KCNAB1: variants seen among roughly 807,000 people sequenced by gnomAD.
KCNAB1 encodes the protein potassium voltage-gated channel subfamily A regulatory beta subunit 1.
In KCNAB1, 35 loss-of-function variants were observed where a neutral mutation model predicts 64.6. The observed-to-expected ratio is 0.54, with a 90% CI of 0.41 to 0.72. The LOEUF (loss-of-function observed/expected upper bound fraction) is 0.72. Among genes scored for constraint, KCNAB1 ranks in the 30% least tolerant of loss-of-function variants. KCNAB1 has a pLI of 0.00. For missense variants in KCNAB1, 401 were observed against 512.9 expected, an observed-to-expected ratio of 0.78 and a Z score of 2.11; for synonymous variants, 177 against 183.8, an observed-to-expected ratio of 0.96 and a Z score of 0.30.
chr3:156,244,290 C>T (rs1717333271), intron 1 of KCNAB1, among the ~76,000 whole-genome samples: 1 of 152,184 alleles, frequency 6.6e-6, no homozygotes, highest in African/African-American at 2.4e-5. Context: ...GTGCATCACT[C>T]CAACCTCCAG....
chr3:156,520,125 A>G (rs1302709640), intron 11 of KCNAB1, among the ~76,000 whole-genome samples: 1 of 152,246 alleles, frequency 6.6e-6, no homozygotes, highest in African/African-American at 2.4e-5. Context: ...GAGCCTGATG[A>G]GTACGTAAGA....
upstream of KCNAB1, among the ~76,000 whole-genome samples, chr3:156,119,664 A>C (rs76487744): frequency 0.014 from 2,172 of 152,282 alleles, 27 homozygotes; most frequent in South Asian, 0.04. Context: ...ACGGGTCACT[A>C]AACAACTCTG....
At chr3:156,361,850 G>A (rs1481091063) in intron 1 of KCNAB1, among the ~76,000 whole-genome samples, 1 of 152,096 alleles carries the variant, frequency 6.6e-6, no homozygotes, top group Admixed American at 6.5e-5. Flanking sequence ...TGTAAAGACA[G>A]GGTCTCACTA....
intron 1 of KCNAB1, among the ~76,000 whole-genome samples, chr3:156,145,717 G>A (rs1659813829): frequency 6.6e-6 from 1 of 152,104 alleles, no homozygotes; most frequent in South Asian, 2.1e-4. Flanking sequence ...TTCAAGCTCT[G>A]CCTGTTTTAG....
intron 1 of KCNAB1, among the ~76,000 whole-genome samples, chr3:156,378,910 C>T (rs1048631061): frequency 2.0e-5 from 3 of 152,134 alleles, no homozygotes; most frequent in African/African-American, 7.2e-5. Flanking sequence ...AATGGAATGT[C>T]CCCCAGTGCC....
intron 3 of KCNAB1, 117 bp from the exon 4 acceptor site, chr3:156,457,336 A>G: frequency 6.5e-7 from 1 of 1,528,206 alleles, no homozygotes; most frequent in South Asian, 1.3e-5. Flanking sequence ...AAACTAAGAA[A>G]AATAAGGAGT....
intron 1 of KCNAB1, among the ~76,000 whole-genome samples, chr3:156,155,778 G>T (rs1351117440): frequency 6.6e-6 from 1 of 152,198 alleles, no homozygotes; most frequent in Admixed American, 6.5e-5. Context: ...TGATTCACTA[G>T]AAGGACTCAC....
At chr3:156,272,707 C>T (rs1302469681) in intron 1 of KCNAB1, among the ~76,000 whole-genome samples, 8 of 151,988 alleles carry the variant, frequency 5.3e-5, no homozygotes, top group Non-Finnish European at 1.2e-4. Flanking sequence ...TCCCCACTGT[C>T]GCCAAGCTGG....
chr3:156,325,070 T>C (rs981931292), intron 1 of KCNAB1, among the ~76,000 whole-genome samples: 2 of 152,152 alleles, frequency 1.3e-5, no homozygotes, highest in Non-Finnish European at 2.9e-5. Flanking sequence ...GGAGGGTTTG[T>C]TATATGCCAG....
intron 8 of KCNAB1, among the ~76,000 whole-genome samples, chr3:156,480,552 A>AAT (rs531485992): frequency 6.6e-6 from 1 of 151,288 alleles, no homozygotes; most frequent in Non-Finnish European, 1.5e-5. Flanking sequence ...AAAAAAAAAA[A>AAT]GTAAAAAGAA....
chr3:156,401,612 C>T (rs1713893854), intron 1 of KCNAB1, among the ~76,000 whole-genome samples: 1 of 152,182 alleles, frequency 6.6e-6, no homozygotes, highest in Admixed American at 6.5e-5. Context: ...CTTTGTCTAA[C>T]AATTAGAACT....
At chr3:156,518,554 G>A (rs748194030) in intron 11 of KCNAB1, among the ~76,000 whole-genome samples, 14 of 151,950 alleles carry the variant, frequency 9.2e-5, no homozygotes, top group Non-Finnish European at 1.6e-4. Context: ...AATTGGTAAC[G>A]TTCATCCCAC....
chr3:156,295,267 A>G (rs915050143), intron 1 of KCNAB1, among the ~76,000 whole-genome samples: 15 of 152,110 alleles, frequency 9.9e-5, no homozygotes, highest in Admixed American at 2.0e-4. Context: ...TCTGCCACCC[A>G]TTTTGCTATC....
At chr3:156,526,248 CTATG>C (rs1718302555) in intron 12 of KCNAB1, among the ~76,000 whole-genome samples, 1 of 152,156 alleles carries the variant, frequency 6.6e-6, no homozygotes, top group South Asian at 2.1e-4. Context: ...CATAAGTACC[CTATG>C]ATGTTCACAC....
chr3:156,350,300 A>G (rs994931214), intron 1 of KCNAB1, among the ~76,000 whole-genome samples: 2 of 152,238 alleles, frequency 1.3e-5, no homozygotes, highest in African/African-American at 4.8e-5. Flanking sequence ...CTGTAATCCC[A>G]GCACTTTGGG....
intron 7 of KCNAB1, among the ~76,000 whole-genome samples, chr3:156,468,246 G>C (rs972281479): frequency 1.3e-5 from 2 of 152,124 alleles, no homozygotes; most frequent in African/African-American, 2.4e-5. Flanking sequence ...AATAGTTTCA[G>C]TATTCAATCA....
At chr3:156,176,161 G>C in intron 1 of KCNAB1, 1 of 772,046 alleles carries the variant, frequency 1.3e-6, no homozygotes, top group East Asian at 2.4e-5. Flanking sequence ...ATTGTCCATT[G>C]CATTGGACAA....
intron 1 of KCNAB1, among the ~76,000 whole-genome samples, chr3:156,353,147 G>C (rs1276423620): frequency 6.6e-6 from 1 of 152,250 alleles, no homozygotes; most frequent in Non-Finnish European, 1.5e-5. Context: ...GGTAAAATCT[G>C]TGCATTCAGT....
At chr3:156,194,990 G>A (rs1436914462) in intron 1 of KCNAB1, among the ~76,000 whole-genome samples, 1 of 151,848 alleles carries the variant, frequency 6.6e-6, no homozygotes, top group African/African-American at 2.4e-5. Flanking sequence ...CTGTGTCCAT[G>A]TGTTCTTATT....
Sources: gnomAD v4.1 joint callset for allele counts (sites outside exome capture counted in the v4.1 genomes callset) on GRCh38, gnomAD v4.1.1 for gene constraint, MANE v1.5 for transcripts, NCBI Gene and HGNC (gene_info 2026-07-23, HGNC 2026-07-21) for gene names.